Variants in VAV3 observed in about 807,000 individuals in gnomAD.
VAV3 encodes the protein vav guanine nucleotide exchange factor 3.
In VAV3, 94 loss-of-function variants were observed where a neutral mutation model predicts 131.2. That is an observed-to-expected ratio of 0.72 (90% CI 0.61 to 0.85). VAV3 has a LOEUF of 0.85. VAV3 is among the 40% of genes least tolerant of loss of function. The probability of loss-of-function intolerance (pLI) is 0.00; values close to 1 mark genes in which losing one functional copy is unlikely to be tolerated. For missense variants in VAV3, 939 were observed against 1,002.7 expected, an observed-to-expected ratio of 0.94 and a Z score of 0.86; for synonymous variants, 349 against 342.0, an observed-to-expected ratio of 1.02 and a Z score of -0.22.
chr1:107,922,679 G>A (rs936662373), intron 1 of VAV3, among the ~76,000 whole-genome samples: 8 of 152,028 alleles, frequency 5.3e-5, no homozygotes, highest in Non-Finnish European at 7.4e-5. Flanking sequence ...TTGGCCGGGC[G>A]CGGTGGCTCA....
rs535985544 is a variant in VAV3 at position 107,571,999 on chromosome 1, C to T, written c.*1332G>A. ...TTCTTTTTTTTCCCAACATGTAACT[C>T]TCTCAGTCTTGTCAGAACACAACTT... On this transcript the variant is annotated 3_prime_UTR_variant, in exon 27 of 27. Transcript: ENST00000370056. 1 of 152,304 alleles carries T rather than the reference C, an allele frequency of 6.6e-6. No homozygotes were observed. Among genetic ancestry groups the T allele is most frequent in the African/African-American group, 2.4e-5 (1 of 41,458 alleles). The allele number at this position is 152,304 out of a possible 1,614,324, so 9.4% of individuals were successfully genotyped here.
At chr1:107,663,485 G>A (rs1333589126) in intron 19 of VAV3, among the ~76,000 whole-genome samples, 8 of 151,700 alleles carry the variant, frequency 5.3e-5, no homozygotes, top group Admixed American at 4.6e-4. Flanking sequence ...ACTTTGGATC[G>A]AAAATGAATA....
intron 20 of VAV3, among the ~76,000 whole-genome samples, chr1:107,638,982 T>C (rs1655139664): frequency 1.3e-5 from 2 of 151,848 alleles, no homozygotes; most frequent in South Asian, 2.1e-4. Context: ...TACACACACA[T>C]ATATAGTACA....
intron 1 of VAV3, among the ~76,000 whole-genome samples, chr1:107,916,815 G>A (rs987564963): frequency 2.0e-5 from 3 of 152,106 alleles, no homozygotes; most frequent in Non-Finnish European, 2.9e-5. Flanking sequence ...GGATTAAGTA[G>A]GAAGAACAAT....
chr1:107,723,026 T>C (rs1212088119), intron 15 of VAV3, among the ~76,000 whole-genome samples: 1 of 152,188 alleles, frequency 6.6e-6, no homozygotes, highest in Admixed American at 6.5e-5. Flanking sequence ...CAGTCCTTTT[T>C]GTTTGGCTCC....
Position 107,705,016 on chromosome 1 carries a change from G to T in VAV3, c.1548C>A (p.Phe516Leu), listed in dbSNP as rs1321493053. 6.2e-7 allele frequency: 1 copy of T among 1,613,718 alleles called. No individual in the cohort carries two copies. Among genetic ancestry groups the T allele is most frequent in the African/African-American group, 1.3e-5 (1 of 74,902 alleles). The part of the protein sequence containing the change: ...PDYADSNFHD[F>L]KMHTFTRVTS... ...TGACTCGAGTGAAGGTATGCATCTT[G>T]AAGTCGTGGAAATTGGAGTCTGCAT... The change falls in exon 16 of 27, where the codon TTC (phenylalanine) becomes TTA (leucine). Residue 516 changes from phenylalanine to leucine, a missense_variant. By Grantham distance (22) the Phe-to-Leu change is conservative (BLOSUM62 0). Coordinates refer to ENST00000370056, the MANE Select transcript of VAV3 (RefSeq NM_006113.5).
intron 1 of VAV3, among the ~76,000 whole-genome samples, chr1:107,883,962 T>G (rs1670905705): frequency 6.6e-6 from 1 of 152,170 alleles, no homozygotes; most frequent in Non-Finnish European, 1.5e-5. Flanking sequence ...ACTAAAAAAC[T>G]GAATACCTTG....
intron 1 of VAV3, among the ~76,000 whole-genome samples, chr1:107,905,879 A>G (rs747028524): frequency 8.5e-5 from 13 of 152,164 alleles, no homozygotes; most frequent in Non-Finnish European, 1.9e-4. Flanking sequence ...AAAACTAACA[A>G]ATAAATTCAA....
intron 1 of VAV3, among the ~76,000 whole-genome samples, chr1:107,929,978 T>TA (rs1466606405): frequency 6.6e-6 from 1 of 151,886 alleles, no homozygotes; most frequent in African/African-American, 2.4e-5. Flanking sequence ...TTGTGGGAGC[T>TA]AAAAAATTAA....
intron 4 of VAV3, among the ~76,000 whole-genome samples, chr1:107,776,063 A>G (rs1389755393): frequency 6.6e-6 from 1 of 152,256 alleles, no homozygotes; most frequent in African/African-American, 2.4e-5. Flanking sequence ...AACTGTGAAG[A>G]TATAATAACA....
At chr1:107,963,006 G>C (rs1312271377) in intron 1 of VAV3, among the ~76,000 whole-genome samples, 2 of 152,114 alleles carry the variant, frequency 1.3e-5, no homozygotes, top group Non-Finnish European at 2.9e-5. Flanking sequence ...TTGGTCATCA[G>C]AAAGATTAAA....
At chr1:107,703,812 TAAA>T (rs1660280522) in intron 17 of VAV3, among the ~76,000 whole-genome samples, 1 of 151,052 alleles carries the variant, frequency 6.6e-6, no homozygotes, top group African/African-American at 2.4e-5. Context: ...GTCTTATTGA[TAAA>T]AACACAGAGA....
intron 17 of VAV3, among the ~76,000 whole-genome samples, chr1:107,701,812 A>G (rs1396752481): frequency 6.6e-6 from 1 of 152,106 alleles, no homozygotes; most frequent in African/African-American, 2.4e-5. Flanking sequence ...ATTCCCAACA[A>G]GTTCCTCATC....
chr1:107,752,258 A>G (rs775801826), intron 12 of VAV3, among the ~76,000 whole-genome samples: 1 of 152,232 alleles, frequency 6.6e-6, no homozygotes, highest in Non-Finnish European at 1.5e-5. Context: ...TTTTCAACAA[A>G]TGGTGCTGGG....
intron 2 of VAV3, among the ~76,000 whole-genome samples, chr1:107,866,822 C>CA (rs66866060): frequency 0.27 from 16,056 of 59,044 alleles, 4,054 homozygotes; most frequent in Non-Finnish European, 0.34. Context: ...GACTCCATCT[C>CA]AAAAAAAAAA....
At chr1:107,839,963 C>T (rs1668625025) in intron 2 of VAV3, among the ~76,000 whole-genome samples, 1 of 152,052 alleles carries the variant, frequency 6.6e-6, no homozygotes, top group Admixed American at 6.6e-5. Flanking sequence ...CAAACTCACA[C>T]AGGAGAAATA....
intron 20 of VAV3, among the ~76,000 whole-genome samples, chr1:107,620,487 G>A (rs1653491500): frequency 6.6e-6 from 1 of 152,054 alleles, no homozygotes; most frequent in South Asian, 2.1e-4. Context: ...ACGTAGCCTA[G>A]GTGTGTAGTA....
At chr1:107,576,360 T>G in intron 25 of VAV3, 1 of 1,471,338 alleles carries the variant, frequency 6.8e-7, no homozygotes, top group Non-Finnish European at 8.9e-7. Flanking sequence ...AGAAGCAAGT[T>G]GAAGAGACAA....
At chr1:107,913,180 A>T (rs1409674544) in intron 1 of VAV3, among the ~76,000 whole-genome samples, 2 of 152,226 alleles carry the variant, frequency 1.3e-5, no homozygotes, top group Admixed American at 6.5e-5. Flanking sequence ...TAAATTTTTA[A>T]TCATATTTTA....
Sources: gnomAD v4.1 joint callset for allele counts (sites outside exome capture counted in the v4.1 genomes callset) on GRCh38, gnomAD v4.1.1 for gene constraint, MANE v1.5 for transcripts, NCBI Gene and HGNC (gene_info 2026-07-23, HGNC 2026-07-21) for gene names.